YY1AP1: variants seen among roughly 807,000 people sequenced by gnomAD.
YY1AP1 encodes YY1 associated protein 1.
YY1AP1 carries 43 observed loss-of-function variants against 39.9 expected under a neutral mutation model. The ratio of observed to expected loss-of-function variants is 1.08; its 90% confidence interval spans 0.84 to 1.39. The LOEUF is 1.39. Ranked by LOEUF, YY1AP1 falls within the 40% of genes most tolerant of loss-of-function variation. The pLI is 0.00. For missense variants in YY1AP1, 813 were observed against 900.7 expected, an observed-to-expected ratio of 0.90 and a Z score of 1.25; for synonymous variants, 292 against 331.3, an observed-to-expected ratio of 0.88 and a Z score of 1.29.
At chr1:155,667,306 C>A (rs1461045632) in intron 9 of YY1AP1, among the ~76,000 whole-genome samples, 3 of 152,090 alleles carry the variant, frequency 2.0e-5, no homozygotes, top group African/African-American at 7.2e-5. Flanking sequence ...GACTTCAAGA[C>A]CAGCCTGGGA....
chr1:155,680,346 G>A, intron 3 of YY1AP1, 70 bp downstream of exon 3: 6 of 1,561,898 alleles, frequency 3.8e-6, no homozygotes, highest in African/African-American at 1.4e-5. Context: ...GCATCACAGA[G>A]ATCAAAGGAC....
At chr1:155,668,585 T>A in intron 9 of YY1AP1, 42 bp downstream of exon 9, 1 of 1,613,952 alleles carries the variant, frequency 6.2e-7, no homozygotes, top group Non-Finnish European at 8.5e-7. Flanking sequence ...AACAGATATG[T>A]GTTGGTGAGG....
chr1:155,679,780 G>T, intron 3 of YY1AP1: 1 of 1,298,348 alleles, frequency 7.7e-7, no homozygotes, highest in Non-Finnish European at 9.8e-7. Context: ...TTCTTAAACA[G>T]AAATATCTTT....
rs765290841 is a variant in YY1AP1, at chr1:155,670,478, A to C, written c.584-14T>G. On this transcript the variant is annotated splice_polypyrimidine_tract_variant and intron_variant, in intron 7 of 10. Coordinates refer to ENST00000355499, the MANE Select transcript of YY1AP1 (RefSeq NM_139119.3). ...GAAATTCATTGGCTATAAGAAAATA[A>C]ATCTCTGATAAATCAACTTCTAGGA... 3 of 1,612,936 alleles carry C rather than the reference A, an allele frequency of 1.9e-6. No individual in the cohort carries two copies. The highest frequency in any genetic ancestry group is 2.5e-6 in the Non-Finnish European group (3 of 1,179,704).
intron 3 of YY1AP1, 99 bp downstream of exon 3, chr1:155,680,317 A>C (rs1407448723): frequency 2.3e-5 from 32 of 1,370,374 alleles, no homozygotes; most frequent in Non-Finnish European, 3.2e-5. Flanking sequence ...GAATTGGTTC[A>C]GTCCCTCTTC....
chr1:155,678,102 G>C (rs1290084527), intron 4 of YY1AP1, among the ~76,000 whole-genome samples: 4 of 152,186 alleles, frequency 2.6e-5, no homozygotes, highest in African/African-American at 9.7e-5. Flanking sequence ...GGCTCCATAA[G>C]ATTACTGTAC....
Position 155,659,985 on chromosome 1 carries a change from G to A in YY1AP1, c.1925C>T (p.Ala642Val), listed in dbSNP as rs1220767160. Residue 642 changes from alanine (A) to valine (V), a missense_variant, in exon 11 of 11, where the codon GCT becomes GTT. Ala to Val is a moderately conservative substitution (Grantham distance 64). Transcript: ENST00000355499. ...ATTTTCCCCATCAGCCACAGCACAA[G>A]CAATGTCCACATTCATGTGGGCCTT... ...EDKAHMNVDI[A>V]CAVADGENAF... The A allele has an allele frequency of 1.9e-6, 3 of 1,614,228 alleles. No homozygotes were observed. Among genetic ancestry groups the A allele is most frequent in the Non-Finnish European group, 2.5e-6 (3 of 1,180,052 alleles).
In YY1AP1 at chr1:155,670,421, C is replaced by T. The variant is rs1363049006; in HGVS notation, c.627G>A (p.Leu209=). 1 of 1,614,120 alleles carries T rather than the reference C, an allele frequency of 6.2e-7. No individual in the cohort carries two copies. The highest frequency in any genetic ancestry group is 1.7e-5 in the Admixed American group (1 of 60,012). ...GATACATGAAAACCTTGCTTGTGGC[C>T]AGGATCCAAGCCACTTGCTTTGGCA... ...PCLPKQVAWI[L]ATSKVFMYPE... Residue 209 remains leucine, a synonymous_variant, in exon 8 of 11, where the codon CTG becomes CTA. Transcript: ENST00000355499.
Position 155,668,650 on chromosome 1 carries a change from T to C in YY1AP1, c.856A>G (p.Arg286Gly), listed in dbSNP as rs775030151. The change falls in exon 9 of 11, where the codon AGA becomes GGA. Residue 286 changes from arginine to glycine, a missense_variant. Transcript: ENST00000355499. ...TVRIKNLNMN[R>G]APDNIIKFYK... ...ACTTTAATGATGTTGTCAGGAGCTCTGTTCATGTTGAGGTTCTTGATTCTC... is the reference window on the plus strand; with the variant it reads ...ACTTTAATGATGTTGTCAGGAGCTCCGTTCATGTTGAGGTTCTTGATTCTC... 2.5e-6 allele frequency: 4 copies of C among 1,614,108 alleles called. No individual in the cohort carries two copies. The highest frequency in any genetic ancestry group is 1.7e-5 in the Admixed American group (1 of 59,996).
At chr1:155,688,250 G>A (rs766112872) in intron 1 of YY1AP1, 49 bp from the exon 2 acceptor site, 29 of 1,607,800 alleles carry the variant, frequency 1.8e-5, no homozygotes, top group Non-Finnish European at 2.3e-5. Context: ...GGCTAAAGGG[G>A]CAAACTGAGA....
chr1:155,686,563 T>C (rs755391173), intron 2 of YY1AP1, among the ~76,000 whole-genome samples: 42 of 149,392 alleles, frequency 2.8e-4, no homozygotes, highest in Non-Finnish European at 4.9e-4. Flanking sequence ...GATCCTCACC[T>C]CAAGGCATGG....
chr1:155,672,197 C>A, intron 7 of YY1AP1: 1 of 334,956 alleles, frequency 3.0e-6, no homozygotes, highest in Non-Finnish European at 5.8e-6. Context: ...AAAAGCTAAA[C>A]ATGACCGAAC....
At chr1:155,674,287 A>G (rs1222401833) in intron 6 of YY1AP1, among the ~76,000 whole-genome samples, 3 of 151,918 alleles carry the variant, frequency 2.0e-5, no homozygotes, top group African/African-American at 7.3e-5. Flanking sequence ...CTACATGTAT[A>G]TTTACTTCAT....
intron 6 of YY1AP1, among the ~76,000 whole-genome samples, chr1:155,674,025 G>A (rs965739216): frequency 6.6e-6 from 1 of 151,770 alleles, no homozygotes; most frequent in Non-Finnish European, 1.5e-5. Context: ...GCCGGGCATA[G>A]TGGCGGGTGC....
chr1:155,679,724 A>G, intron 3 of YY1AP1: 1 of 985,304 alleles, frequency 1.0e-6, no homozygotes, highest in Non-Finnish European at 1.2e-6. Flanking sequence ...CAACCAGTCA[A>G]CTTGTATCAG....
Position 155,688,728 on chromosome 1 carries a change from G to T in YY1AP1, c.-221C>A, listed in dbSNP as rs951236395. On this transcript the variant is annotated 5_prime_UTR_variant, in exon 1 of 11. Transcript: ENST00000355499. ...CTCCCCCTCCCTCCCCGCCCGCACG[G>T]CCACCAACCGCCGCCAAAGCAGCCG... The T allele has an allele frequency of 2.0e-6, 3 of 1,517,166 alleles. No individual in the cohort carries two copies. In the African/African-American group the frequency reaches 4.2e-5, roughly 21 times the overall value. The allele number at this position is 1,517,166 out of a possible 1,614,324, so 94.0% of individuals were successfully genotyped here. A position where few individuals can be genotyped will look rare whatever the true frequency, so the allele number is the denominator to read the frequency against.
At chr1:155,683,950 T>C (rs575640546) in intron 2 of YY1AP1, among the ~76,000 whole-genome samples, 3 of 152,062 alleles carry the variant, frequency 2.0e-5, no homozygotes, top group Non-Finnish European at 2.9e-5. Flanking sequence ...CAGATTGATC[T>C]ACATAGCAAG....
At chr1:155,682,922 C>T (rs1413778474) in intron 2 of YY1AP1, among the ~76,000 whole-genome samples, 1 of 151,344 alleles carries the variant, frequency 6.6e-6, no homozygotes, top group East Asian at 2.0e-4. Flanking sequence ...CCTGTCTCTA[C>T]TAAAAATACA....
rs1205770761 is a variant in YY1AP1 at position 155,685,506 on chromosome 1, CAA to C, written c.-21+2563_-21+2564del. 2.0e-5 allele frequency among the ~76,000 whole-genome samples: 3 copies of C among 152,222 alleles called. No homozygotes were observed. In the East Asian group the frequency reaches 5.8e-4, roughly 29 times the overall value. Reference sequence around the variant, plus strand: ...AAAGACGCTTCTCAGAGTTTGAGAACAAAAAGATACTGACAAAGAACAAAGCC... The same window carrying C: ...AAAGACGCTTCTCAGAGTTTGAGAACAAAGATACTGACAAAGAACAAAGCC... On this transcript the variant is annotated intron_variant, in intron 2 of 10. Transcript: ENST00000355499.
Sources: allele counts gnomAD v4.1 joint callset (sites outside exome capture counted in the v4.1 genomes callset), GRCh38; gene constraint gnomAD v4.1.1; transcripts MANE v1.5; gene names NCBI Gene and HGNC (gene_info 2026-07-23, HGNC 2026-07-21).